RBFOX1: variants seen among roughly 807,000 people sequenced by gnomAD.
RBFOX1 encodes the protein RNA binding fox-1 homolog 1.
RBFOX1 carries 8 observed loss-of-function variants against 57.7 expected under a neutral mutation model. That is an observed-to-expected ratio of 0.14 (90% CI 0.08 to 0.25). RBFOX1 has a LOEUF of 0.25. Among genes scored for constraint, RBFOX1 ranks in the 10% least tolerant of loss-of-function variants. The probability of loss-of-function intolerance (pLI) is 1.00; values close to 1 mark genes in which losing one functional copy is unlikely to be tolerated. For missense variants in RBFOX1, 611 were observed against 548.5 expected (o/e 1.11, Z -1.14); for synonymous variants, 326 against 222.4 (o/e 1.47, Z -4.15).
chr16:6,998,860 A>T (rs1029745330), intron 3 of RBFOX1, among the ~76,000 whole-genome samples: 2 of 151,816 alleles, frequency 1.3e-5, no homozygotes, highest in Admixed American at 1.3e-4. Context: ...TTTTTAATTA[A>T]TTAAGTATTA....
intron 4 of RBFOX1, among the ~76,000 whole-genome samples, chr16:7,055,189 A>T (rs140688527): frequency 1.2e-3 from 180 of 152,294 alleles, no homozygotes; most frequent in African/African-American, 3.7e-3. Context: ...AATTTGCAAA[A>T]ATGAAATACA....
chr16:5,836,344 G>T (rs1400493465), intron 3 of RBFOX1, among the ~76,000 whole-genome samples: 2 of 152,198 alleles, frequency 1.3e-5, no homozygotes, highest in Admixed American at 6.5e-5. Context: ...TTGCCTGGCA[G>T]TGGGGTAGTT....
chr16:5,859,722 A>G (rs964210701), intron 3 of RBFOX1, among the ~76,000 whole-genome samples: 12 of 152,226 alleles, frequency 7.9e-5, no homozygotes, highest in Admixed American at 4.6e-4. Flanking sequence ...AGTCTTATAA[A>G]ATGCTATTTC....
At chr16:5,290,757 G>T (rs2063514188) in intron 1 of RBFOX1, among the ~76,000 whole-genome samples, 1 of 151,794 alleles carries the variant, frequency 6.6e-6, no homozygotes, top group African/African-American at 2.4e-5. Context: ...GGAGTAGAGT[G>T]GTGTGATCTT....
At chr16:7,651,785 T>C (rs1232262738) in intron 11 of RBFOX1, among the ~76,000 whole-genome samples, 1 of 152,236 alleles carries the variant, frequency 6.6e-6, no homozygotes, top group Non-Finnish European at 1.5e-5. Context: ...ATGGTGGGCC[T>C]TTTGAGCCTT....
chr16:5,842,263 C>G (rs1360790762), intron 3 of RBFOX1, among the ~76,000 whole-genome samples: 3 of 152,072 alleles, frequency 2.0e-5, no homozygotes, highest in African/African-American at 7.2e-5. Flanking sequence ...TGCAGGAGAT[C>G]ATCATATGAG....
intron 14 of RBFOX1, among the ~76,000 whole-genome samples, chr16:7,681,861 A>C (rs1004609718): frequency 6.6e-6 from 1 of 152,104 alleles, no homozygotes; most frequent in Admixed American, 6.6e-5. Flanking sequence ...TTTGATAGGG[A>C]TTGAAAATAT....
intron 4 of RBFOX1, among the ~76,000 whole-genome samples, chr16:5,962,493 TCTTCA>T (rs1337082847): frequency 1.3e-5 from 2 of 152,208 alleles, no homozygotes; most frequent in African/African-American, 2.4e-5. Context: ...CCACCTTTTT[TCTTCA>T]CTTCACATCA....
chr16:5,756,679 C>T (rs1367725065), intron 3 of RBFOX1, among the ~76,000 whole-genome samples: 2 of 152,124 alleles, frequency 1.3e-5, no homozygotes. Flanking sequence ...AACTAATTTC[C>T]TCAATTTGTA....
At chr16:7,310,340 T>G (rs935813859) in intron 4 of RBFOX1, among the ~76,000 whole-genome samples, 21 of 152,340 alleles carry the variant, frequency 1.4e-4, no homozygotes, top group African/African-American at 5.1e-4. Context: ...TTTTCATGGT[T>G]GTTTCTGATC....
chr16:7,317,206 C>A (rs941443111), intron 4 of RBFOX1, among the ~76,000 whole-genome samples: 1 of 151,978 alleles, frequency 6.6e-6, no homozygotes, highest in African/African-American at 2.4e-5. Flanking sequence ...AGGAGTAAAA[C>A]GTTTTGAAAA....
At chr16:7,709,925 C>G (rs918913229) in intron 15 of RBFOX1, 2 of 1,040,558 alleles carry the variant, frequency 1.9e-6, no homozygotes, top group East Asian at 9.4e-5. Flanking sequence ...TCAAGAATAT[C>G]AGTCCTTACC....
chr16:6,942,955 T>G (rs1488491581), intron 3 of RBFOX1, among the ~76,000 whole-genome samples: 2 of 152,182 alleles, frequency 1.3e-5, no homozygotes, highest in African/African-American at 2.4e-5. Context: ...CACCATGTGC[T>G]TTTGTGACTT....
At chr16:6,060,330 G>A (rs1000190603) in intron 1 of RBFOX1, among the ~76,000 whole-genome samples, 2 of 151,962 alleles carry the variant, frequency 1.3e-5, no homozygotes, top group African/African-American at 4.8e-5. Flanking sequence ...AGCAGATACT[G>A]TCTAAGTCTT....
intron 2 of RBFOX1, among the ~76,000 whole-genome samples, chr16:6,410,937 G>C (rs1007152868): frequency 1.3e-5 from 2 of 152,140 alleles, no homozygotes; most frequent in Non-Finnish European, 2.9e-5. Flanking sequence ...TTGTGGGCTG[G>C]CTAAGGACAC....
chr16:7,503,830 C>G lies in RBFOX1; in HGVS notation c.28-14317C>G, dbSNP rs113957353. The stretch of plus-strand genomic sequence containing the variant: ...TTGTCCATATGCCCTTCTGTCCATA[C>G]AAGTATATCTGTGACAGTGATGGGC... On this transcript the variant is annotated intron_variant, in intron 4 of 15. Transcript: ENST00000550418. Among the ~76,000 whole-genome samples, 70 of 152,254 alleles carry G rather than the reference C, an allele frequency of 4.6e-4. 2 individuals are homozygous for G. Among genetic ancestry groups the G allele is most frequent in the African/African-American group, 1.6e-3 (67 of 41,568 alleles).
At chr16:5,949,856 A>T (rs2059484974) in intron 4 of RBFOX1, among the ~76,000 whole-genome samples, 1 of 152,196 alleles carries the variant, frequency 6.6e-6, no homozygotes, top group Non-Finnish European at 1.5e-5. Context: ...CAAGCCCTGC[A>T]GGGGATTCTG....
chr16:6,257,290 A>G (rs552684059), intron 1 of RBFOX1, among the ~76,000 whole-genome samples: 35 of 152,048 alleles, frequency 2.3e-4, no homozygotes, highest in African/African-American at 5.1e-4. Flanking sequence ...ATTTTTCTGA[A>G]TCTATTAAAA....
At chr16:7,334,736 A>G (rs1415260247) in intron 4 of RBFOX1, among the ~76,000 whole-genome samples, 1 of 152,178 alleles carries the variant, frequency 6.6e-6, no homozygotes, top group African/African-American at 2.4e-5. Context: ...TACCCCAGTG[A>G]TAGATGAGAA....
Sources: gnomAD v4.1 joint callset for allele counts (sites outside exome capture counted in the v4.1 genomes callset) on GRCh38, gnomAD v4.1.1 for gene constraint, MANE v1.5 for transcripts, NCBI Gene and HGNC (gene_info 2026-07-23, HGNC 2026-07-21) for gene names.